The following ENOX1 variants were observed in gnomAD, a reference collection of about 807,000 sequenced individuals.
The protein encoded by ENOX1 is candidate growth-related and time keeping constitutive hydroquinone (NADH) oxidase.
ENOX1 carries 42 observed loss-of-function variants against 82.5 expected under a neutral mutation model. That is an observed-to-expected ratio of 0.51 (90% CI 0.40 to 0.66). The LOEUF is 0.66. ENOX1 is among the 30% of genes least tolerant of loss of function. The pLI, the probability that ENOX1 is intolerant of heterozygous loss-of-function variation, is 0.00. For synonymous variants in ENOX1, 271 were observed against 282.2 expected, an observed-to-expected ratio of 0.96 and a Z score of 0.40; for missense variants, 608 against 811.6, an observed-to-expected ratio of 0.75 and a Z score of 3.05.
intron 1 of ENOX1, among the ~76,000 whole-genome samples, chr13:43,755,638 A>G (rs1247219884): frequency 6.6e-6 from 1 of 152,226 alleles, no homozygotes; most frequent in Non-Finnish European, 1.5e-5. Context: ...CATTAAATCT[A>G]GTACTCAGAG....
rs892268779 is a variant in ENOX1 at position 43,476,364 on chromosome 13, C to T, written c.-75+7645G>A. The stretch of plus-strand genomic sequence containing the variant: ...GAGATACATCTGGAACCTTTAACAA[C>T]ATACTAAACTTTAAAAAAAAGTGCA... On this transcript the variant is annotated intron_variant, in intron 3 of 16. Transcript: ENST00000690772. Among the ~76,000 whole-genome samples the T allele has an allele frequency of 7.9e-5, 12 of 151,998 alleles. No individual in the cohort carries two copies. The East Asian group carries it at 2.1e-3, about 27-fold the overall frequency.
At chr13:43,467,221 T>A (rs1446694805) in intron 3 of ENOX1, among the ~76,000 whole-genome samples, 1 of 152,208 alleles carries the variant, frequency 6.6e-6, no homozygotes, top group African/African-American at 2.4e-5. Flanking sequence ...CACTTTACAA[T>A]CCCATCAAAA....
chr13:43,742,448 TGA>T (rs1566863071), intron 1 of ENOX1, among the ~76,000 whole-genome samples: 3 of 151,988 alleles, frequency 2.0e-5, no homozygotes, highest in Non-Finnish European at 4.4e-5. Context: ...TGTGTGTGTG[TGA>T]GTGTGAGAGT....
intron 2 of ENOX1, among the ~76,000 whole-genome samples, chr13:43,598,364 A>C (rs1566605337): frequency 6.6e-6 from 1 of 152,208 alleles, no homozygotes; most frequent in Non-Finnish European, 1.5e-5. Context: ...CATAGGAACA[A>C]GATAAATGTT....
chr13:43,577,331 C>T (rs538153824), intron 2 of ENOX1, among the ~76,000 whole-genome samples: 2 of 152,192 alleles, frequency 1.3e-5, no homozygotes, highest in South Asian at 4.2e-4. Context: ...GGAGTTTCGC[C>T]ATGTTGGCCA....
chr13:43,334,116 C>G (rs999507112), intron 9 of ENOX1, among the ~76,000 whole-genome samples: 1 of 152,222 alleles, frequency 6.6e-6, no homozygotes, highest in Non-Finnish European at 1.5e-5. Context: ...CCAACAGACT[C>G]TGCTTTAACA....
At chr13:43,366,959 T>C (rs1440778961) in intron 5 of ENOX1, among the ~76,000 whole-genome samples, 1 of 152,154 alleles carries the variant, frequency 6.6e-6, no homozygotes, top group Non-Finnish European at 1.5e-5. Flanking sequence ...TTATATAGAA[T>C]ATTTACATAA....
At chr13:43,244,702 T>C (rs2042997701) in intron 14 of ENOX1, among the ~76,000 whole-genome samples, 4 of 152,142 alleles carry the variant, frequency 2.6e-5, no homozygotes, top group Admixed American at 2.6e-4. Flanking sequence ...GCTGGCGGCC[T>C]CCATAGCTGC....
intron 2 of ENOX1, among the ~76,000 whole-genome samples, chr13:43,650,266 A>C (rs1282124653): frequency 6.6e-6 from 1 of 152,198 alleles, no homozygotes; most frequent in Non-Finnish European, 1.5e-5. Flanking sequence ...TAAATATTTT[A>C]GCTTTTGAAG....
chr13:43,530,320 G>T (rs2078156875), intron 2 of ENOX1, among the ~76,000 whole-genome samples: 1 of 152,132 alleles, frequency 6.6e-6, no homozygotes, highest in African/African-American at 2.4e-5. Context: ...GCTGTACAAA[G>T]GAAAGGTGCT....
intron 1 of ENOX1, among the ~76,000 whole-genome samples, chr13:43,678,285 A>G (rs2085612186): frequency 6.6e-6 from 1 of 152,210 alleles, no homozygotes; most frequent in Non-Finnish European, 1.5e-5. Context: ...TTCCTCAAAT[A>G]TAAAAAATAT....
chr13:43,405,176 T>C (rs1260048380), intron 5 of ENOX1, among the ~76,000 whole-genome samples: 1 of 152,228 alleles, frequency 6.6e-6, no homozygotes, highest in Non-Finnish European at 1.5e-5. Context: ...TTCCAGATTC[T>C]ATTTTTTTAT....
chr13:43,507,273 T>C (rs184419730), intron 2 of ENOX1, among the ~76,000 whole-genome samples: 28 of 151,838 alleles, frequency 1.8e-4, no homozygotes, highest in Admixed American at 8.6e-4. Flanking sequence ...GGAGAGGAAT[T>C]CAAAAGAAAT....
chr13:43,709,180 G>A (rs1357402331), intron 1 of ENOX1, among the ~76,000 whole-genome samples: 7 of 151,886 alleles, frequency 4.6e-5, no homozygotes, highest in Admixed American at 2.0e-4. Context: ...TATAAGAAAC[G>A]GCTTCAGCTT....
intron 2 of ENOX1, among the ~76,000 whole-genome samples, chr13:43,664,954 A>T: frequency 6.6e-6 from 1 of 152,210 alleles, no homozygotes; most frequent in Non-Finnish European, 1.5e-5. Flanking sequence ...TCAGTTGGCC[A>T]TAGGACAGCC....
At chr13:43,315,580 CCAA>C (rs1227538436) in intron 11 of ENOX1, among the ~76,000 whole-genome samples, 2 of 152,188 alleles carry the variant, frequency 1.3e-5, no homozygotes, top group Non-Finnish European at 2.9e-5. Flanking sequence ...CACTTAAATT[CCAA>C]CAACACTGTG....
At chr13:43,435,080 A>G (rs893958073) in intron 3 of ENOX1, among the ~76,000 whole-genome samples, 6 of 151,608 alleles carry the variant, frequency 4.0e-5, no homozygotes, top group Non-Finnish European at 7.4e-5. Flanking sequence ...GACGGACTTG[A>G]CATAGGGATT....
chr13:43,627,437 G>T (rs2083014220), intron 2 of ENOX1, among the ~76,000 whole-genome samples: 1 of 151,672 alleles, frequency 6.6e-6, no homozygotes. Flanking sequence ...TGGTTGCTCT[G>T]GTTATTACAT....
At chr13:43,229,540 A>C (rs931911643) in intron 15 of ENOX1, among the ~76,000 whole-genome samples, 2 of 152,126 alleles carry the variant, frequency 1.3e-5, no homozygotes, top group Non-Finnish European at 2.9e-5. Context: ...AAGAGTTTGG[A>C]TTAGATTTAA....
Sources: gnomAD v4.1 joint callset for allele counts (sites outside exome capture counted in the v4.1 genomes callset) on GRCh38, gnomAD v4.1.1 for gene constraint, MANE v1.5 for transcripts, NCBI Gene and HGNC (gene_info 2026-07-23, HGNC 2026-07-21) for gene names.